Variants in FAM227A observed in about 807,000 individuals in gnomAD.
FAM227A encodes family with sequence similarity 227 member A.
Under a neutral mutation model 74.7 loss-of-function variants are expected in FAM227A, and 80 were observed. That is an observed-to-expected ratio of 1.07 (90% CI 0.89 to 1.29). The LOEUF (loss-of-function observed/expected upper bound fraction) is 1.29. Ranked by LOEUF, FAM227A falls within the 50% of genes most tolerant of loss-of-function variation. The probability of loss-of-function intolerance (pLI) is 0.00; values close to 1 mark genes in which losing one functional copy is unlikely to be tolerated. For missense variants in FAM227A, 654 were observed against 683.4 expected, an observed-to-expected ratio of 0.96 and a Z score of 0.48; for synonymous variants, 237 against 241.8, an observed-to-expected ratio of 0.98 and a Z score of 0.19.
intron 16 of FAM227A, among the ~76,000 whole-genome samples, chr22:38,590,339 A>G (rs934209937): frequency 2.0e-5 from 3 of 151,770 alleles, no homozygotes; most frequent in African/African-American, 7.3e-5. Context: ...ATAATTTCCC[A>G]TATACCTTCG....
At chr22:38,591,242 T>G in intron 16 of FAM227A, 193 bp downstream of exon 16, 5 of 1,124,444 alleles carry the variant, frequency 4.4e-6, no homozygotes, top group South Asian at 3.0e-5. Context: ...GAGGATTGCT[T>G]GAGCCCAGGA....
chr22:38,644,644 T>G (rs933484857), intron 3 of FAM227A, among the ~76,000 whole-genome samples: 2 of 152,154 alleles, frequency 1.3e-5, no homozygotes, highest in Non-Finnish European at 2.9e-5. Context: ...GATGATGATG[T>G]AACAATGTAG....
rs1191954617 is a variant in FAM227A, at chr22:38,583,148, C to T, written c.*2977G>A. ...GCCTTGTACTCGGCAGGTGCTCACA[C>T]GTTCTGGTTTCAGAAGACTATACTT... On this transcript the variant is annotated 3_prime_UTR_variant, in exon 17 of 17. Coordinates refer to ENST00000535113, the MANE Select transcript of FAM227A (RefSeq NM_001013647.2). 8 of 516,428 alleles carry T rather than the reference C, an allele frequency of 1.5e-5. No homozygotes were observed. Among genetic ancestry groups the T allele is most frequent in the Admixed American group, 3.3e-5 (1 of 30,028 alleles). The allele number at this position is 516,428 out of a possible 1,614,324, so 32.0% of individuals were successfully genotyped here. A position where few individuals can be genotyped will look rare whatever the true frequency, so the allele number is the denominator to read the frequency against.
Position 38,594,502 on chromosome 22 carries a change from A to G in FAM227A, c.1532+2702T>C, listed in dbSNP as rs1198753948. On this transcript the variant is annotated intron_variant, in intron 15 of 16. Transcript: ENST00000535113. ...ATCTTTCCTTGTAAAACAAAAATAG[A>G]GGGAGGTTTTTCTTGGCTGCAGAGT... is the stretch of plus-strand genomic sequence containing the variant. Among the ~76,000 whole-genome samples, 3 of 152,198 alleles carry G rather than the reference A, an allele frequency of 2.0e-5. No homozygotes were observed. The East Asian group carries it at 5.8e-4, about 29-fold the overall frequency.
Position 38,579,718 on chromosome 22 carries a change from G to A in FAM227A, c.*6407C>T, listed in dbSNP as rs1360944668. 6.6e-6 allele frequency: 1 copy of A among 151,820 alleles called. No individual in the cohort carries two copies. The highest frequency in any genetic ancestry group is 1.5e-5 in the Non-Finnish European group (1 of 67,974). 9.4% of individuals were successfully genotyped at this position (151,820 alleles called of 1,614,324 possible). On this transcript the variant is annotated 3_prime_UTR_variant, in exon 17 of 17. Coordinates refer to ENST00000535113, the MANE Select transcript of FAM227A (RefSeq NM_001013647.2). ...TTTGAGTACAAATTCCATAAATCTT[G>A]TAATTCCATCTGTGAATATTTCAGT...
intron 16 of FAM227A, among the ~76,000 whole-genome samples, chr22:38,590,410 T>C (rs1870987331): frequency 6.6e-6 from 1 of 152,032 alleles, no homozygotes; most frequent in Admixed American, 6.6e-5. Context: ...AGGTCAGGAC[T>C]ATAAGGAGAC....
At chr22:38,595,800 T>C (rs886748778) in intron 15 of FAM227A, among the ~76,000 whole-genome samples, 1 of 152,096 alleles carries the variant, frequency 6.6e-6, no homozygotes, top group Non-Finnish European at 1.5e-5. Context: ...TTGGGCAAAA[T>C]GATTTAACTT....
chr22:38,642,980 G>A (rs1249524248), intron 3 of FAM227A, among the ~76,000 whole-genome samples: 2 of 151,148 alleles, frequency 1.3e-5, no homozygotes, highest in African/African-American at 4.9e-5. Flanking sequence ...AATATTAAAC[G>A]AAATCTTAAA....
At chr22:38,609,865 A>G (rs5750640) in intron 11 of FAM227A, among the ~76,000 whole-genome samples, 146,214 of 152,092 alleles carry the variant, frequency 0.96, 70,335 homozygotes, top group East Asian at 1. Context: ...TCCGCTTCTC[A>G]GGTTCAAGTG....
At chr22:38,632,233 A>G (rs1323471431) in intron 6 of FAM227A, among the ~76,000 whole-genome samples, 2 of 152,138 alleles carry the variant, frequency 1.3e-5, no homozygotes, top group African/African-American at 2.4e-5. Context: ...GATTGGTCTC[A>G]TGTGGGAATA....
chr22:38,616,010 C>T (rs911085490), intron 11 of FAM227A, among the ~76,000 whole-genome samples: 2 of 152,004 alleles, frequency 1.3e-5, no homozygotes, highest in Non-Finnish European at 2.9e-5. Flanking sequence ...GGGTCACTGG[C>T]GTATGGGCGG....
chr22:38,653,610 C>A (rs577027598), intron 1 of FAM227A, among the ~76,000 whole-genome samples: 1 of 152,008 alleles, frequency 6.6e-6, no homozygotes, highest in Non-Finnish European at 1.5e-5. Flanking sequence ...CTCCTGACCT[C>A]GTGATCTGCC....
chr22:38,616,848 C>A (rs530145178), intron 11 of FAM227A, among the ~76,000 whole-genome samples: 40 of 151,692 alleles, frequency 2.6e-4, no homozygotes, highest in Non-Finnish European at 5.4e-4. Flanking sequence ...AAGCTGAGGG[C>A]CAAGGTTCAG....
At position 38,613,066 on chromosome 22, in the gene FAM227A, AATATATTATATATAATTATATAT is replaced by A. The variant is rs754594184; in HGVS notation, c.1039-5613_1039-5591del. Among the ~76,000 whole-genome samples the A allele has an allele frequency of 8.8e-4, 90 of 102,332 alleles. 1 individual carries two copies. Among genetic ancestry groups the A allele is most frequent in the East Asian group, 2.5e-3 (10 of 3,968 alleles). The allele number at this position is 102,332 out of a possible 152,430, so 67.1% of individuals were successfully genotyped here. On this transcript the variant is annotated intron_variant, in intron 11 of 16. Coordinates refer to ENST00000535113, the MANE Select transcript of FAM227A (RefSeq NM_001013647.2). ...TTTATATATATATTATATATATGTA[AATATATTATATATAATTATATAT>A]ATATATTATATATAATTATATATAT...
intron 16 of FAM227A, among the ~76,000 whole-genome samples, chr22:38,589,944 T>C (rs147169648): frequency 6.6e-6 from 1 of 152,006 alleles, no homozygotes; most frequent in East Asian, 1.9e-4. Context: ...CTTAAATAAT[T>C]ATTTTAAAAA....
chr22:38,609,192 T>A (rs778594320), intron 11 of FAM227A, among the ~76,000 whole-genome samples: 3 of 152,188 alleles, frequency 2.0e-5, no homozygotes, highest in Non-Finnish European at 4.4e-5. Context: ...GAGATAAAGC[T>A]GTTTTTTAAG....
At chr22:38,639,839 T>C (rs761774909) in intron 3 of FAM227A, 115 bp from the exon 4 acceptor site, 33 of 734,982 alleles carry the variant, frequency 4.5e-5, no homozygotes, top group Non-Finnish European at 6.7e-5. Context: ...GGAGCAAAGT[T>C]TGTGGACAGT....
chr22:38,628,103 T>C (rs555461425), intron 8 of FAM227A, 135 bp downstream of exon 8: 14 of 623,890 alleles, frequency 2.2e-5, no homozygotes, highest in African/African-American at 1.3e-4. Flanking sequence ...AACTTCTGCA[T>C]TGCAAGTCAG....
intron 3 of FAM227A, among the ~76,000 whole-genome samples, chr22:38,643,181 T>C (rs189311842): frequency 0.016 from 2,422 of 151,524 alleles, 66 homozygotes; most frequent in African/African-American, 0.057. Flanking sequence ...ACGGGAGTGG[T>C]GGTGGGTGCC....
Sources: allele counts gnomAD v4.1 joint callset (sites outside exome capture counted in the v4.1 genomes callset), GRCh38; gene constraint gnomAD v4.1.1; transcripts MANE v1.5; gene names NCBI Gene and HGNC (gene_info 2026-07-23, HGNC 2026-07-21).